ERBB3: variants seen among roughly 807,000 people sequenced by gnomAD.
ERBB3 encodes erb-b2 receptor tyrosine kinase 3, also known as receptor tyrosine-protein kinase erbB-3.
ERBB3 carries 96 observed loss-of-function variants against 156.7 expected under a neutral mutation model. The observed-to-expected ratio is 0.61, with a 90% CI of 0.52 to 0.73. The LOEUF is 0.73. Ranked by LOEUF, ERBB3 falls within the 30% of genes least tolerant of loss-of-function variation. The probability of loss-of-function intolerance (pLI) is 0.00; values close to 1 mark genes in which losing one functional copy is unlikely to be tolerated. For synonymous variants in ERBB3, 567 were observed against 632.0 expected (o/e 0.90, Z 1.54); for missense variants, 1,406 against 1,709.4 (o/e 0.82, Z 3.13).
At chr12:56,089,573 T>C (rs1366699881) in intron 9 of ERBB3, among the ~76,000 whole-genome samples, 1 of 151,950 alleles carries the variant, frequency 6.6e-6, no homozygotes, top group East Asian at 1.9e-4. Context: ...TGAAATGCCA[T>C]CTCTACTAAA....
chr12:56,087,883 C>T lies in ERBB3; in HGVS notation c.702C>T (p.Gly234=), dbSNP rs2136794283. ...NQCCHDECAG[G]CSGPQDTDCF... is the part of the protein sequence containing the mutation. ...GCTGCCATGATGAGTGTGCCGGGGG[C>T]TGCTCAGGCCCTCAGGACACAGACT... Residue 234 remains glycine, a synonymous_variant, in exon 6 of 28, where the codon GGC becomes GGT. Coordinates refer to ENST00000267101, the MANE Select transcript of ERBB3 (RefSeq NM_001982.4). The T allele has an allele frequency of 2.5e-6, 4 of 1,614,172 alleles. No homozygotes were observed. Among genetic ancestry groups the T allele is most frequent in the Non-Finnish European group, 3.4e-6 (4 of 1,179,990 alleles).
intron 1 of ERBB3, chr12:56,083,348 A>C (rs1415251823): frequency 5.9e-6 from 2 of 336,378 alleles, no homozygotes; most frequent in Non-Finnish European, 1.2e-5. Context: ...GAGAGGCAGG[A>C]TGAGGGTAGA....
Position 56,095,665 on chromosome 12 carries a change from C to T in ERBB3, c.1914C>T (p.Gly638=). 2 of 1,614,112 alleles carry T rather than the reference C, an allele frequency of 1.2e-6. No individual in the cohort carries two copies. The highest frequency in any genetic ancestry group is 2.7e-5 in the African/African-American group (2 of 75,026). Residue 638 remains glycine, a splice_region_variant and synonymous_variant, in exon 17 of 28, where the codon GGC becomes GGT. Coordinates refer to ENST00000267101, the MANE Select transcript of ERBB3 (RefSeq NM_001982.4). ...TGTTGGGTTTCTATATATCCCATAG[C>T]AAAACCCATCTGACAATGGCTTTGA... is the stretch of plus-strand genomic sequence containing the variant. ...DCLGQTLVLI[G]KTHLTMALTV... is the part of the protein sequence containing the mutation.
chr12:56,093,292 T>C (rs1868775242), intron 11 of ERBB3, 53 bp from the exon 12 acceptor site: 2 of 1,482,044 alleles, frequency 1.3e-6, no homozygotes, highest in Admixed American at 3.3e-5. Context: ...ATCCTTTGAA[T>C]AGTTAATGTT....
intron 13 of ERBB3, 30 bp from the exon 14 acceptor site, chr12:56,094,069 A>G: frequency 6.3e-7 from 1 of 1,578,032 alleles, no homozygotes; most frequent in Non-Finnish European, 8.7e-7. Context: ...CTTGGAAGTG[A>G]CCCCCCCCTC....
At chr12:56,085,302 C>A in intron 3 of ERBB3, 121 bp downstream of exon 3, 1 of 1,582,092 alleles carries the variant, frequency 6.3e-7, no homozygotes, top group Non-Finnish European at 8.6e-7. Context: ...GTCACCTTGG[C>A]CGCTGTCTAA....
rs1868916958 is a variant in ERBB3, at chr12:56,097,179, G to A, written c.2409G>A (p.Arg803=). The A allele has an allele frequency of 1.2e-6, 2 of 1,614,106 alleles. No individual in the cohort carries two copies. Among genetic ancestry groups the A allele is most frequent in the African/African-American group, 1.3e-5 (1 of 75,008 alleles). ...GSLLDHVRQH[R]GALGPQLLLN... ...TGCTGGATCATGTGAGACAACACCG[G>A]GGGGCACTGGGGCCACAGCTGCTGC... The change falls in exon 20 of 28, where the codon CGG becomes CGA. Residue 803 remains arginine, a synonymous_variant. Transcript: ENST00000267101.
In ERBB3 at chr12:56,101,224, G is replaced by A. The variant is rs747256428; in HGVS notation, c.3365G>A (p.Arg1122Gln). ...VSMCRSRSRS[R>Q]SPRPRGDSAY... ...ATGTGTAGGAGCCGGAGCAGGAGCC[G>A]GAGCCCACGGCCACGCGGAGATAGC... The change falls in exon 27 of 28, where the codon CGG (arginine) becomes CAG (glutamine). Residue 1122 changes from arginine to glutamine, a missense_variant. Transcript: ENST00000267101. 6.2e-6 allele frequency: 10 copies of A among 1,613,776 alleles called. No homozygotes were observed. Among genetic ancestry groups the A allele is most frequent in the Admixed American group, 3.3e-5 (2 of 59,974 alleles).
intron 16 of ERBB3, 168 bp from the exon 17 acceptor site, chr12:56,095,497 G>A (rs754454431): frequency 1.2e-5 from 11 of 939,502 alleles, no homozygotes; most frequent in Non-Finnish European, 1.7e-5. Flanking sequence ...ACTTTCAGTA[G>A]TCTAAGACTG....
rs1278435714 is a variant in ERBB3, at chr12:56,084,138, T to C, written c.234+236T>C. The stretch of plus-strand genomic sequence containing the variant: ...TCAGGGGCAGGTGGTGTTCTGTGGA[T>C]AGTGCAAGGTCAGCAGGGACTAGTG... On this transcript the variant is annotated intron_variant, in intron 2 of 27. Transcript: ENST00000267101. Among the ~76,000 whole-genome samples, 6 of 151,990 alleles carry C rather than the reference T, an allele frequency of 3.9e-5. 1 individual carries two copies. The South Asian group carries it at 8.3e-4, about 21-fold the overall frequency.
At chr12:56,096,867 A>G in intron 19 of ERBB3, 21 bp downstream of exon 19, 1 of 1,553,592 alleles carries the variant, frequency 6.4e-7, no homozygotes, top group Non-Finnish European at 8.9e-7. Context: ...GAAATTCTGT[A>G]TGCCGCTAGG....
rs11171743 is a variant in ERBB3 at position 56,101,837 on chromosome 12, G to A, written c.3811G>A (p.Gly1271Ser). 299 of 1,613,352 alleles carry A rather than the reference G, an allele frequency of 1.9e-4. No homozygotes were observed. The African/African-American group carries it at 3.5e-3, about 19-fold the overall frequency. ...TATGAATCGGCAACGAGATGGAGGT[G>A]GTCCTGGGGGTGATTATGCAGCCAT... The part of the protein sequence containing the change: ...EYMNRQRDGG[G>S]PGGDYAAMGA... Residue 1271 changes from glycine to serine, a missense_variant, in exon 28 of 28, where the codon GGT becomes AGT. This residue lies in a region of ERBB3 where 415 missense variants were observed against 454.1 expected (regional missense o/e 0.91). Transcript: ENST00000267101.
chr12:56,096,855 A>T lies in ERBB3; in HGVS notation c.2274+9A>T, dbSNP rs766225730. On this transcript the variant is annotated intron_variant, in intron 19 of 27. Coordinates refer to ENST00000267101, the MANE Select transcript of ERBB3 (RefSeq NM_001982.4). ...TTCAAGCTGTGACAGATGTAAGTGA[A>T]GGAAATTCTGTATGCCGCTAGGAGA... 4.4e-6 allele frequency: 7 copies of T among 1,599,476 alleles called. No individual in the cohort carries two copies. The highest frequency in any genetic ancestry group is 6.0e-6 in the Non-Finnish European group (7 of 1,167,116).
At chr12:56,080,779 C>CA (rs1240974430) in intron 1 of ERBB3, among the ~76,000 whole-genome samples, 4 of 152,200 alleles carry the variant, frequency 2.6e-5, no homozygotes, top group African/African-American at 9.7e-5. Flanking sequence ...CCCTGCCCCC[C>CA]ACCCGCGCCG....
intron 9 of ERBB3, among the ~76,000 whole-genome samples, chr12:56,091,266 T>TTA (rs199547778): frequency 0.052 from 2,272 of 43,318 alleles, 103 homozygotes; most frequent in Admixed American, 0.099. Flanking sequence ...TTGGCTAATT[T>TTA]TATATATATA....
At chr12:56,101,022 A>C (rs763475378) in intron 26 of ERBB3, 39 bp from the exon 27 acceptor site, 1 of 1,557,974 alleles carries the variant, frequency 6.4e-7, no homozygotes, top group South Asian at 1.1e-5. Context: ...TCATCATGTA[A>C]ATTTCCTTGC....
intron 3 of ERBB3, 167 bp downstream of exon 3, chr12:56,085,348 G>A: frequency 1.4e-6 from 2 of 1,480,224 alleles, no homozygotes; most frequent in Non-Finnish European, 1.8e-6. Flanking sequence ...AGGGCCCCCA[G>A]TAGGGGGAGC....
Position 56,093,703 on chromosome 12 carries a change from T to C in ERBB3, c.1481-61T>C, listed in dbSNP as rs1003595260. On this transcript the variant is annotated intron_variant, in intron 12 of 27. Transcript: ENST00000267101. ...TGGAAGCAGTAACGAGGAAGAATAA[T>C]GAAGAGAGGGCTTGCTGGGAGTCCT... The C allele has an allele frequency of 2.5e-6, 4 of 1,608,910 alleles. No individual in the cohort carries two copies. In the African/African-American group the frequency reaches 4.0e-5, roughly 16 times the overall value.
At chr12:56,085,802 G>T (rs1868462532) in intron 3 of ERBB3, among the ~76,000 whole-genome samples, 1 of 148,190 alleles carries the variant, frequency 6.7e-6, no homozygotes, top group Admixed American at 6.8e-5. Context: ...GGGCGCGGTG[G>T]CTCACGCCTG....
Sources: gnomAD v4.1 joint callset for allele counts (sites outside exome capture counted in the v4.1 genomes callset) on GRCh38, gnomAD v4.1.1 for gene constraint, gnomAD v4.1.1 regional missense constraint, MANE v1.5 for transcripts, NCBI Gene and HGNC (gene_info 2026-07-23, HGNC 2026-07-21) for gene names.